TTF1: variants seen among roughly 807,000 people sequenced by gnomAD.
The protein encoded by TTF1 is transcription termination factor 1, also known as transcription termination factor, RNA polymerase I.
A neutral mutation model predicts 80.2 loss-of-function variants in TTF1; 64 were observed. That is an observed-to-expected ratio of 0.80 (90% CI 0.65 to 0.98). The LOEUF is 0.98. Among genes scored for constraint, TTF1 ranks in the 50% least tolerant of loss-of-function variants. The probability of loss-of-function intolerance (pLI) is 0.00; values close to 1 mark genes in which losing one functional copy is unlikely to be tolerated. For synonymous variants in TTF1, 372 were observed against 382.7 expected (o/e 0.97, Z 0.33); for missense variants, 1,023 against 1,086.2 (o/e 0.94, Z 0.82).
chr9:132,397,957 G>A (rs1849683015), intron 4 of TTF1, among the ~76,000 whole-genome samples, 184 bp downstream of exon 4: 1 of 151,630 alleles, frequency 6.6e-6, no homozygotes, highest in Admixed American at 6.6e-5. Context: ...CTGCACTCCA[G>A]CCTGGGCAAC....
At chr9:132,385,822 T>G (rs1204043532) in intron 9 of TTF1, among the ~76,000 whole-genome samples, 1 of 152,064 alleles carries the variant, frequency 6.6e-6, no homozygotes, top group Admixed American at 6.6e-5. Flanking sequence ...ATTATTAGTT[T>G]GATATCGTTA....
At chr9:132,397,503 G>A (rs925155281) in intron 4 of TTF1, among the ~76,000 whole-genome samples, 11 of 152,142 alleles carry the variant, frequency 7.2e-5, no homozygotes, top group African/African-American at 2.4e-4. Context: ...TAAAAAACAC[G>A]GGAGACCATG....
chr9:132,379,957 TCTG>T (rs1466328737), intron 9 of TTF1, among the ~76,000 whole-genome samples: 9 of 152,368 alleles, frequency 5.9e-5, no homozygotes, highest in African/African-American at 1.9e-4. Flanking sequence ...AAGAATTTGA[TCTG>T]CTAAGTATGT....
At position 132,390,842 on chromosome 9, in the gene TTF1, A is replaced by G. The variant is rs1849547864; in HGVS notation, c.1988-11T>C. 1.2e-5 allele frequency: 20 copies of G among 1,611,210 alleles called. No individual in the cohort carries two copies. The highest frequency in any genetic ancestry group is 1.6e-5 in the Non-Finnish European group (19 of 1,178,482). ...CACCACGATTTCTTTCTGTAGATAT[A>G]AAAAGATGGTCTTATAGTAGCTAGT... On this transcript the variant is annotated splice_polypyrimidine_tract_variant and intron_variant, in intron 6 of 10. Coordinates refer to ENST00000334270, the MANE Select transcript of TTF1 (RefSeq NM_007344.4).
At chr9:132,388,082 C>T (rs1849500841) in intron 8 of TTF1, 57 bp downstream of exon 8, 1 of 1,406,162 alleles carries the variant, frequency 7.1e-7, no homozygotes, top group South Asian at 1.2e-5. Flanking sequence ...GGGTTAACAA[C>T]TTCTCTTTGG....
intron 9 of TTF1, among the ~76,000 whole-genome samples, chr9:132,383,550 G>A (rs909101520): frequency 5.3e-5 from 8 of 152,176 alleles, no homozygotes; most frequent in Non-Finnish European, 8.8e-5. Flanking sequence ...CAGAAGAGGC[G>A]ACTATGGGTA....
Position 132,376,047 on chromosome 9 carries a change from A to T in TTF1, c.2586T>A (p.Phe862Leu). 1 of 1,614,224 alleles carries T rather than the reference A, an allele frequency of 6.2e-7. No individual in the cohort carries two copies. Among genetic ancestry groups the T allele is most frequent in the Non-Finnish European group, 8.5e-7 (1 of 1,180,044 alleles). The change falls in exon 11 of 11, where the codon TTT (phenylalanine) becomes TTA (leucine). Residue 862 changes from phenylalanine (F) to leucine (L), a missense_variant. Coordinates refer to ENST00000334270, the MANE Select transcript of TTF1 (RefSeq NM_007344.4). ...TPAAPKQVFP[F>L]RDIFYYEDDS... ...CGTCTTCATAATAAAAGATGTCTCGAAATGGGAAAACTTGCTTGGGTGCTG... is the reference window on the plus strand; with the variant it reads ...CGTCTTCATAATAAAAGATGTCTCGTAATGGGAAAACTTGCTTGGGTGCTG...
At chr9:132,397,399 G>A (rs1849671331) in intron 4 of TTF1, among the ~76,000 whole-genome samples, 2 of 152,090 alleles carry the variant, frequency 1.3e-5, no homozygotes, top group South Asian at 4.1e-4. Context: ...ATTTGCTTTC[G>A]CTCTGATCCC....
chr9:132,404,376 C>T (rs1849823744), intron 1 of TTF1, among the ~76,000 whole-genome samples: 1 of 152,148 alleles, frequency 6.6e-6, no homozygotes, highest in Non-Finnish European at 1.5e-5. Flanking sequence ...CCTACTTGCA[C>T]TGCCACATCC....
At chr9:132,378,294 G>A (rs1156895454) in intron 10 of TTF1, among the ~76,000 whole-genome samples, 13 of 142,206 alleles carry the variant, frequency 9.1e-5, no homozygotes, top group African/African-American at 3.2e-4. Context: ...CATGTGGTGA[G>A]TGCATGTGGT....
At chr9:132,389,045 A>G (rs558465176) in intron 7 of TTF1, among the ~76,000 whole-genome samples, 97 of 152,274 alleles carry the variant, frequency 6.4e-4, no homozygotes, top group African/African-American at 2.2e-3. Flanking sequence ...TCCTATTTTT[A>G]TCTCAAATTA....
intron 9 of TTF1, among the ~76,000 whole-genome samples, chr9:132,382,141 C>T (rs1013881840): frequency 6.6e-6 from 1 of 152,168 alleles, no homozygotes; most frequent in African/African-American, 2.4e-5. Flanking sequence ...CCTCCAATCG[C>T]AGGAACTGAT....
At chr9:132,385,828 C>T (rs551962511) in intron 9 of TTF1, among the ~76,000 whole-genome samples, 14 of 152,116 alleles carry the variant, frequency 9.2e-5, no homozygotes, top group African/African-American at 2.7e-4. Context: ...AGTTTGATAT[C>T]GTTATCATCA....
intron 10 of TTF1, among the ~76,000 whole-genome samples, chr9:132,377,652 GGTGT>G (rs148951093): frequency 1.2e-4 from 1 of 8,448 alleles, no homozygotes; most frequent in Non-Finnish European, 3.2e-4. Flanking sequence ...GAATGCATGT[GGTGT>G]GTGTGAGTGC....
intron 9 of TTF1, among the ~76,000 whole-genome samples, chr9:132,381,197 A>ATT (rs1185241585): frequency 3.4e-5 from 5 of 145,342 alleles, no homozygotes; most frequent in African/African-American, 5.0e-5. Context: ...GAAAAGCTGA[A>ATT]TTTTTTTTTT....
At chr9:132,396,952 C>T (rs1849663171) in intron 4 of TTF1, among the ~76,000 whole-genome samples, 1 of 152,078 alleles carries the variant, frequency 6.6e-6, no homozygotes, top group African/African-American at 2.4e-5. Context: ...CCAGGCTGGT[C>T]TTGAACTCCT....
intron 1 of TTF1, among the ~76,000 whole-genome samples, chr9:132,403,662 T>C (rs1207023844): frequency 6.8e-6 from 1 of 147,676 alleles, no homozygotes; most frequent in African/African-American, 2.5e-5. Flanking sequence ...GGCTGTCTTC[T>C]CTGCTTTAAA....
chr9:132,390,038 C>A (rs565098987), intron 7 of TTF1, among the ~76,000 whole-genome samples: 8 of 152,042 alleles, frequency 5.3e-5, no homozygotes, highest in Non-Finnish European at 7.4e-5. Context: ...TGCAATGGGG[C>A]GATCTCAGCT....
In TTF1 at chr9:132,388,154, A is replaced by G. The variant is rs200634710; in HGVS notation, c.2297T>C (p.Val766Ala). The change falls in exon 8 of 11, where the codon GTC becomes GCC. Residue 766 changes from valine (V) to alanine (A), a missense_variant. By Grantham distance (64) the Val-to-Ala change is moderately conservative (BLOSUM62 0). Transcript: ENST00000334270. ...TTTTTCATACCTTTCAATAAGGCTGACCTTGGCCCGCAGGGCATTCATGCC... is the reference window on the plus strand; with the variant it reads ...TTTTTCATACCTTTCAATAAGGCTGGCCTTGGCCCGCAGGGCATTCATGCC... Reference protein sequence around the residue: ...YYGMNALRAKVSLIERLYEIN... With the variant: ...YYGMNALRAKASLIERLYEIN... The G allele has an allele frequency of 1.1e-5, 17 of 1,611,564 alleles. No homozygotes were observed. The highest frequency in any genetic ancestry group is 1.7e-5 in the Admixed American group (1 of 59,906).
Sources: allele counts gnomAD v4.1 joint callset (sites outside exome capture counted in the v4.1 genomes callset), GRCh38; gene constraint gnomAD v4.1.1; transcripts MANE v1.5; gene names NCBI Gene and HGNC (gene_info 2026-07-23, HGNC 2026-07-21).